FAS: variants seen among roughly 807,000 people sequenced by gnomAD.
FAS encodes the protein tumor necrosis factor receptor superfamily member 6.
In FAS, 5 loss-of-function variants were observed where a neutral mutation model predicts 33.2. The observed-to-expected ratio is 0.15, with a 90% CI of 0.08 to 0.32. The LOEUF is 0.32. Ranked by LOEUF, FAS falls within the 10% of genes least tolerant of loss-of-function variation. FAS has a pLI of 1.00. For missense variants in FAS, 339 were observed against 386.0 expected, an observed-to-expected ratio of 0.88 and a Z score of 1.02; for synonymous variants, 131 against 130.7, an observed-to-expected ratio of 1.00 and a Z score of -0.01.
intron 4 of FAS, 22 bp downstream of exon 4, chr10:89,009,019 A>G (rs1182202078): frequency 6.5e-7 from 1 of 1,545,932 alleles, no homozygotes; most frequent in Non-Finnish European, 8.9e-7. Flanking sequence ...TCTTTCTCTG[A>G]TTAAAACACT....
intron 2 of FAS, chr10:88,974,047 C>G (rs1351634043): frequency 6.6e-6 from 1 of 152,178 alleles, no homozygotes; most frequent in African/African-American, 2.4e-5. Flanking sequence ...GATGATCTAC[C>G]CGCCTGGACC....
At chr10:88,980,319 T>A (rs1030311760) in intron 2 of FAS, among the ~76,000 whole-genome samples, 3 of 152,194 alleles carry the variant, frequency 2.0e-5, no homozygotes, top group Non-Finnish European at 4.4e-5. Context: ...TCTTTGAAGC[T>A]AGGGGACCTG....
At chr10:88,999,826 G>A (rs1401760768) in intron 1 of FAS, among the ~76,000 whole-genome samples, 1 of 152,088 alleles carries the variant, frequency 6.6e-6, no homozygotes, top group Non-Finnish European at 1.5e-5. Context: ...TTTGACATGG[G>A]AATCTATCAG....
intron 4 of FAS, among the ~76,000 whole-genome samples, chr10:89,009,583 C>T (rs1218934978): frequency 3.3e-5 from 5 of 152,170 alleles, no homozygotes; most frequent in African/African-American, 1.2e-4. Flanking sequence ...GTCTTTTAGG[C>T]TAAAGAGGTT....
chr10:88,990,556 T>G (rs1007677930), upstream of FAS: 356 of 638,398 alleles, frequency 5.6e-4, 4 homozygotes, highest in Admixed American at 7.3e-3. This position sits in a 1 kb window ranked among gnomAD's most constrained non-coding sequence, Gnocchi z 4.9. Context: ...GCCAAGTTGC[T>G]GAATCAATGG....
upstream of FAS, among the ~76,000 whole-genome samples, chr10:88,989,961 G>A (rs1847068075): frequency 6.6e-6 from 1 of 152,146 alleles, no homozygotes; most frequent in South Asian, 2.1e-4. Context: ...TAGTGACTTT[G>A]AACAGTGTTC....
At chr10:89,008,860 A>G in intron 3 of FAS, 29 bp from the exon 4 acceptor site, 6 of 1,599,080 alleles carry the variant, frequency 3.8e-6, no homozygotes, top group Non-Finnish European at 5.1e-6. Flanking sequence ...TAGCCGCTAT[A>G]ACTAATAGTT....
At chr10:89,013,230 A>G in intron 7 of FAS, 113 bp from the exon 8 acceptor site, 1 of 984,116 alleles carries the variant, frequency 1.0e-6, no homozygotes, top group Admixed American at 2.1e-5. Flanking sequence ...TTATACATCA[A>G]GCAACTGATT....
chr10:88,976,251 G>A (rs961978968), intron 2 of FAS, among the ~76,000 whole-genome samples: 4 of 152,246 alleles, frequency 2.6e-5, no homozygotes, highest in Non-Finnish European at 1.5e-5. Flanking sequence ...GAAAGTTTAC[G>A]AATTCGTGTT....
chr10:89,003,068 A>C lies in FAS; in HGVS notation c.70A>C (p.Asn24His). The change falls in exon 2 of 9, where the codon AAT (asparagine) becomes CAT (histidine). Residue 24 changes from asparagine to histidine, a missense_variant. By Grantham distance (68) the Asn-to-His change is moderately conservative. This residue lies in a region of FAS where 276 missense variants were observed against 300.1 expected (regional missense o/e 0.92). Transcript: ENST00000652046. ...TGCTAGATTATCGTCCAAAAGTGTT[A>C]ATGCCCAAGTGACTGACATCAACTC... Reference protein sequence around the residue: ...SVARLSSKSVNAQVTDINSKG... With the variant: ...SVARLSSKSVHAQVTDINSKG... The C allele has an allele frequency of 6.2e-7, 1 of 1,614,140 alleles. No individual in the cohort carries two copies. Among genetic ancestry groups the C allele is most frequent in the South Asian group, 1.1e-5 (1 of 91,082 alleles).
intron 2 of FAS, chr10:88,975,245 G>A (rs1048805238): frequency 6.6e-6 from 1 of 152,066 alleles, no homozygotes; most frequent in Non-Finnish European, 1.5e-5. Context: ...TAAGGTTTGT[G>A]AGGAAAAGAT....
At chr10:88,984,658 A>C (rs1017561003), upstream of FAS, among the ~76,000 whole-genome samples, 4 of 151,704 alleles carry the variant, frequency 2.6e-5, no homozygotes, top group African/African-American at 7.2e-5. Context: ...TCTCTGAGCC[A>C]GGCCTCTCTT....
intron 2 of FAS, 118 bp downstream of exon 2, chr10:89,003,312 T>A: frequency 9.3e-7 from 1 of 1,076,464 alleles, no homozygotes; most frequent in East Asian, 2.6e-5. Flanking sequence ...ATAACATAAC[T>A]GAGAGAAAAA....
chr10:88,967,097 G>A (rs1434461127), intron 1 of FAS, among the ~76,000 whole-genome samples: 1 of 152,160 alleles, frequency 6.6e-6, no homozygotes, highest in African/African-American at 2.4e-5. Context: ...AGAGACCCTC[G>A]AGATATCTTT....
chr10:88,984,006 T>C (rs978005563), upstream of FAS, among the ~76,000 whole-genome samples: 5 of 152,170 alleles, frequency 3.3e-5, no homozygotes, highest in Admixed American at 2.6e-4. Flanking sequence ...TGCAGGTTTG[T>C]GTAGAGTTTG....
At chr10:89,007,128 T>C (rs1001392366) in intron 2 of FAS, among the ~76,000 whole-genome samples, 17 of 152,208 alleles carry the variant, frequency 1.1e-4, no homozygotes, top group African/African-American at 4.1e-4. Flanking sequence ...ATCTCCATCA[T>C]ATGCAGGATG....
intron 7 of FAS, 47 bp from the exon 8 acceptor site, chr10:89,013,296 G>A (rs2133547029): frequency 1.3e-6 from 2 of 1,564,354 alleles, no homozygotes; most frequent in African/African-American, 1.4e-5. Flanking sequence ...ATATTCTAAA[G>A]ATATATTTTT....
At chr10:88,972,823 A>AC (rs1846479677) in intron 1 of FAS, among the ~76,000 whole-genome samples, 1 of 152,030 alleles carries the variant, frequency 6.6e-6, no homozygotes, top group Admixed American at 6.6e-5. Context: ...TCAAAGTGAG[A>AC]CCCCATTTAT....
At chr10:88,979,978 G>C (rs1213322479) in intron 2 of FAS, among the ~76,000 whole-genome samples, 1 of 152,228 alleles carries the variant, frequency 6.6e-6, no homozygotes, top group African/African-American at 2.4e-5. Flanking sequence ...GAGCTTGACA[G>C]ATGCAGAAAA....
Sources: allele counts gnomAD v4.1 joint callset (sites outside exome capture counted in the v4.1 genomes callset), GRCh38; gene constraint gnomAD v4.1.1; regional missense constraint gnomAD v4.1.1; non-coding constraint Gnocchi (gnomAD v3.1); transcripts MANE v1.5; gene names NCBI Gene and HGNC (gene_info 2026-07-23, HGNC 2026-07-21).